The following NUDCD1 variants were observed in gnomAD, a reference collection of about 807,000 sequenced individuals.
NUDCD1 encodes the protein nudC domain-containing protein 1.
A neutral mutation model predicts 67.8 loss-of-function variants in NUDCD1; 60 were observed. The observed-to-expected ratio is 0.88, with a 90% confidence interval of 0.72 to 1.10. The LOEUF is 1.10. Among genes scored for constraint, NUDCD1 ranks in the 50% least tolerant of loss-of-function variants. NUDCD1 has a pLI of 0.00. For missense variants in NUDCD1, 643 were observed against 695.0 expected, an observed-to-expected ratio of 0.93 and a Z score of 0.84; for synonymous variants, 244 against 230.8, an observed-to-expected ratio of 1.06 and a Z score of -0.52.
Position 109,243,319 on chromosome 8 carries a change from C to T in NUDCD1, c.1460-18G>A. ...GACATAGCCTGCCAAGAATATGAGA[C>T]AAACAAAAGAAAAACTATATATTAA... On this transcript the variant is annotated intron_variant, in intron 9 of 9. Coordinates refer to ENST00000239690, the MANE Select transcript of NUDCD1 (RefSeq NM_032869.4). 6.6e-7 allele frequency: 1 copy of T among 1,525,528 alleles called. No homozygotes were observed. The highest frequency in any genetic ancestry group is 8.8e-7 in the Non-Finnish European group (1 of 1,132,810). 94.5% of individuals were successfully genotyped at this position (1,525,528 alleles called of 1,614,324 possible). A position where few individuals can be genotyped will look rare whatever the true frequency, so the allele number is the denominator to read the frequency against.
chr8:109,287,636 T>G (rs1254744692), intron 5 of NUDCD1, among the ~76,000 whole-genome samples: 3 of 152,134 alleles, frequency 2.0e-5, no homozygotes, highest in African/African-American at 7.2e-5. Context: ...TAGGGACTAC[T>G]AGAGGGGGTA....
At chr8:109,332,713 C>T (rs767576646) in intron 1 of NUDCD1, among the ~76,000 whole-genome samples, 1 of 152,110 alleles carries the variant, frequency 6.6e-6, no homozygotes, top group Admixed American at 6.5e-5. Flanking sequence ...TTCTAATGCA[C>T]TAACTAAACA....
intron 7 of NUDCD1, among the ~76,000 whole-genome samples, chr8:109,272,942 A>G (rs1378297245): frequency 3.3e-5 from 5 of 152,186 alleles, no homozygotes; most frequent in African/African-American, 1.2e-4. Flanking sequence ...GAATAGAGAA[A>G]GTACCCTATA....
chr8:109,303,898 T>C (rs986465051), intron 2 of NUDCD1, among the ~76,000 whole-genome samples: 2 of 152,126 alleles, frequency 1.3e-5, no homozygotes, highest in African/African-American at 4.8e-5. Context: ...GATTCCCCCA[T>C]TTCACCTGTC....
chr8:109,301,094 C>T (rs1333496808), intron 2 of NUDCD1, among the ~76,000 whole-genome samples: 1 of 152,150 alleles, frequency 6.6e-6, no homozygotes, highest in Non-Finnish European at 1.5e-5. Context: ...TCTCTGAGCC[C>T]AAGCTAAGCC....
chr8:109,242,951 G>A lies in NUDCD1; in HGVS notation c.*58C>T. 8.8e-7 allele frequency: 1 copy of A among 1,136,748 alleles called. No homozygotes were observed. Among genetic ancestry groups the A allele is most frequent in the South Asian group, 1.4e-5 (1 of 70,624 alleles). The allele number at this position is 1,136,748 out of a possible 1,614,324, so 70.4% of individuals were successfully genotyped here. On this transcript the variant is annotated 3_prime_UTR_variant, in exon 10 of 10. Transcript: ENST00000239690. ...TAAGAGGTTACAGTATAACTGTCCAGACCTCCAGGTACCACTGAATACTTT... is the reference window on the plus strand; with the variant it reads ...TAAGAGGTTACAGTATAACTGTCCAAACCTCCAGGTACCACTGAATACTTT...
chr8:109,255,703 C>T (rs186556223), intron 8 of NUDCD1, among the ~76,000 whole-genome samples: 14 of 145,186 alleles, frequency 9.6e-5, no homozygotes, highest in Admixed American at 1.4e-4. Flanking sequence ...GAAAAAAGCA[C>T]GTGAGAAGAT....
chr8:109,303,366 C>T (rs780358314), intron 2 of NUDCD1, among the ~76,000 whole-genome samples: 5 of 152,090 alleles, frequency 3.3e-5, no homozygotes, highest in Admixed American at 3.3e-4. Flanking sequence ...TAAGTCTGTC[C>T]CCTTCTTCAT....
chr8:109,250,918 G>GT (rs1414930368), intron 8 of NUDCD1, among the ~76,000 whole-genome samples: 3 of 152,068 alleles, frequency 2.0e-5, no homozygotes, highest in African/African-American at 7.2e-5. Flanking sequence ...GAGGATACTA[G>GT]TTTTTTCCTT....
chr8:109,275,858 G>A (rs1463006964), intron 6 of NUDCD1, among the ~76,000 whole-genome samples: 16 of 152,086 alleles, frequency 1.1e-4, no homozygotes. Flanking sequence ...GAATGGTCGG[G>A]GGTGTGGGCA....
intron 6 of NUDCD1, among the ~76,000 whole-genome samples, chr8:109,278,297 G>GA (rs1216367626): frequency 1.3e-5 from 2 of 152,234 alleles, no homozygotes; most frequent in South Asian, 2.1e-4. Context: ...AATAATTGGG[G>GA]AAAAAACTGC....
At chr8:109,261,709 TTTACA>T (rs1348033490) in intron 8 of NUDCD1, among the ~76,000 whole-genome samples, 6 of 152,052 alleles carry the variant, frequency 3.9e-5, no homozygotes, top group Non-Finnish European at 2.9e-5. Flanking sequence ...TTTATTTTCA[TTTACA>T]TTAATGCTAT....
At chr8:109,301,808 T>G (rs1021104146) in intron 2 of NUDCD1, among the ~76,000 whole-genome samples, 1 of 152,202 alleles carries the variant, frequency 6.6e-6, no homozygotes, top group Non-Finnish European at 1.5e-5. Context: ...GCACCAGTCA[T>G]GGACTCGGGA....
chr8:109,313,047 T>C (rs1815293605), intron 2 of NUDCD1, among the ~76,000 whole-genome samples: 1 of 152,202 alleles, frequency 6.6e-6, no homozygotes, highest in East Asian at 1.9e-4. Context: ...CCTGACAGTA[T>C]TCAATCTAGA....
chr8:109,315,592 G>C (rs774189354), intron 2 of NUDCD1: 1 of 151,944 alleles, frequency 6.6e-6, no homozygotes, highest in African/African-American at 2.4e-5. Flanking sequence ...TTGCTATCCC[G>C]CATGTCCCCC....
chr8:109,292,402 T>C (rs1317470509), intron 4 of NUDCD1, among the ~76,000 whole-genome samples: 1 of 147,016 alleles, frequency 6.8e-6, no homozygotes. Flanking sequence ...TCAGTTTATT[T>C]ATAAACAATT....
chr8:109,290,397 A>G (rs1377702887), intron 4 of NUDCD1, among the ~76,000 whole-genome samples: 3 of 151,928 alleles, frequency 2.0e-5, no homozygotes, highest in Non-Finnish European at 4.4e-5. Context: ...TGTATGACCT[A>G]CCTCTCCTTG....
At chr8:109,306,589 T>G (rs1815110741) in intron 2 of NUDCD1, among the ~76,000 whole-genome samples, 1 of 151,350 alleles carries the variant, frequency 6.6e-6, no homozygotes, top group Non-Finnish European at 1.5e-5. Context: ...AACTCAAGGA[T>G]AGAGTCCAAA....
intron 8 of NUDCD1, among the ~76,000 whole-genome samples, chr8:109,263,039 A>G (rs1813902824): frequency 1.7e-5 from 2 of 115,174 alleles, no homozygotes; most frequent in South Asian, 6.8e-4. Flanking sequence ...CGGGGGACAG[A>G]GTGAGACTCT....
Sources: gnomAD v4.1 joint callset for allele counts (sites outside exome capture counted in the v4.1 genomes callset) on GRCh38, gnomAD v4.1.1 for gene constraint, MANE v1.5 for transcripts, NCBI Gene and HGNC (gene_info 2026-07-23, HGNC 2026-07-21) for gene names.